RNF217: variants seen among roughly 807,000 people sequenced by gnomAD.
RNF217 encodes the protein E3 ubiquitin-protein ligase RNF217.
Under a neutral mutation model 57.8 loss-of-function variants are expected in RNF217, and 31 were observed. The ratio of observed to expected loss-of-function variants is 0.54; its 90% CI spans 0.40 to 0.72. The LOEUF is 0.72. RNF217 is among the 30% of genes least tolerant of loss of function. RNF217 has a pLI of 0.00. For synonymous variants in RNF217, 313 were observed against 294.0 expected, an observed-to-expected ratio of 1.06 and a Z score of -0.66; for missense variants, 696 against 708.3, an observed-to-expected ratio of 0.98 and a Z score of 0.20.
At position 125,013,345 on chromosome 6, in the gene RNF217, T is replaced by TTGTGTGTG. The variant is rs1388363342; in HGVS notation, c.883-31861_883-31860insGTGTGTGT. ...AAAGAAAGGTAGGTGCTTGCATGTTTTGTGTATGTGTGTGTGTGTGTGTGT... is the reference window on the plus strand; with the variant it reads ...AAAGAAAGGTAGGTGCTTGCATGTTTTGTGTGTGTGTGTATGTGTGTGTGTGTGTGTGT... On this transcript the variant is annotated intron_variant, in intron 1 of 5. Transcript: ENST00000521654. Among the ~76,000 whole-genome samples, 20 of 112,294 alleles carry TTGTGTGTG rather than the reference T, an allele frequency of 1.8e-4. 1 individual carries two copies. Among genetic ancestry groups the TTGTGTGTG allele is most frequent in the African/African-American group, 6.0e-4 (19 of 31,720 alleles). The allele number at this position is 112,294 out of a possible 152,430, so 73.7% of individuals were successfully genotyped here.
At position 124,962,960 on chromosome 6, in the gene RNF217, T is replaced by G. The variant is rs1412915011; in HGVS notation, c.416T>G (p.Val139Gly). ...PGEELEPRTR[V>G]GAADGLVLDV... ...GAAGAGCTGGAGCCCAGGACCCGCG[T>G]GGGGGCCGCCGACGGACTGGTCCTG... The change falls in exon 1 of 6, where the codon GTG becomes GGG. Residue 139 changes from valine (V) to glycine (G), a missense_variant. This residue lies in a region of RNF217 where 465 missense variants were observed against 386.8 expected (regional missense o/e 1.20). Transcript: ENST00000521654. The surrounding 1 kb of genome is among the most constrained non-coding windows in gnomAD (Gnocchi z 4.6). 1.9e-6 allele frequency: 3 copies of G among 1,597,114 alleles called. No individual in the cohort carries two copies. The highest frequency in any genetic ancestry group is 2.5e-6 in the Non-Finnish European group (3 of 1,179,420).
intron 1 of RNF217, among the ~76,000 whole-genome samples, chr6:125,007,223 C>CAAA (rs1785219756): frequency 6.8e-6 from 1 of 147,932 alleles, no homozygotes; most frequent in Non-Finnish European, 1.5e-5. Flanking sequence ...CTAATGGTTT[C>CAAA]TATTCTTCTT....
chr6:125,005,430 C>T (rs1373957903), intron 1 of RNF217, among the ~76,000 whole-genome samples: 1 of 152,126 alleles, frequency 6.6e-6, no homozygotes, highest in Non-Finnish European at 1.5e-5. Context: ...ACTCTTTAAT[C>T]ATGATGAGAA....
intron 1 of RNF217, chr6:125,006,108 TC>T (rs1785168543): frequency 6.6e-6 from 1 of 152,214 alleles, no homozygotes; most frequent in African/African-American, 2.4e-5. Flanking sequence ...TGAGGATACT[TC>T]CCAGGAACTC....
At chr6:125,073,297 C>G (rs747314394) in intron 3 of RNF217, among the ~76,000 whole-genome samples, 22 of 152,128 alleles carry the variant, frequency 1.4e-4, no homozygotes, top group Non-Finnish European at 2.9e-4. Context: ...GCTACAGTAA[C>G]CATTGATAAA....
chr6:125,002,280 G>A (rs917241936), intron 1 of RNF217, among the ~76,000 whole-genome samples: 5 of 152,068 alleles, frequency 3.3e-5, no homozygotes, highest in African/African-American at 4.8e-5. Flanking sequence ...TCCAGGCACC[G>A]GAACAATGTG....
intron 2 of RNF217, among the ~76,000 whole-genome samples, chr6:125,051,552 G>A (rs1326751615): frequency 1.3e-5 from 2 of 151,966 alleles, no homozygotes; most frequent in Non-Finnish European, 2.9e-5. Flanking sequence ...CCTACCAGTT[G>A]GCCATGCAGA....
chr6:125,083,532 T>C lies in RNF217; in HGVS notation c.*595T>C, dbSNP rs1269778820. Reference sequence around the variant, plus strand: ...AGAAGAATATTAAGTTACTGAAGTGTATATGCGTAGGGGCGTGAATGTGTG... The same window carrying C: ...AGAAGAATATTAAGTTACTGAAGTGCATATGCGTAGGGGCGTGAATGTGTG... On this transcript the variant is annotated 3_prime_UTR_variant, in exon 6 of 6. Coordinates refer to ENST00000521654, the MANE Select transcript of RNF217 (RefSeq NM_001286398.3). 1 of 152,122 alleles carries C rather than the reference T, an allele frequency of 6.6e-6. No homozygotes were observed. The highest frequency in any genetic ancestry group is 2.4e-5 in the African/African-American group (1 of 41,438). The allele number at this position is 152,122 out of a possible 1,614,324, so 9.4% of individuals were successfully genotyped here.
At chr6:125,030,569 C>T (rs535686316) in intron 1 of RNF217, among the ~76,000 whole-genome samples, 52 of 152,298 alleles carry the variant, frequency 3.4e-4, no homozygotes, top group African/African-American at 1.2e-3. Flanking sequence ...AGTCCAAAAT[C>T]CAGTAGGGCA....
intron 1 of RNF217, among the ~76,000 whole-genome samples, chr6:124,985,125 A>G (rs1176903963): frequency 6.6e-6 from 1 of 152,364 alleles, no homozygotes; most frequent in Non-Finnish European, 1.5e-5. Context: ...AGTGTCTCAC[A>G]CTTAAAAGTG....
intron 3 of RNF217, among the ~76,000 whole-genome samples, chr6:125,062,471 A>G (rs1344568616): frequency 6.6e-6 from 1 of 152,192 alleles, no homozygotes. Flanking sequence ...AAACATATCT[A>G]GAATTAATTT....
chr6:124,975,450 A>T (rs1467692915), intron 1 of RNF217, among the ~76,000 whole-genome samples: 1 of 152,216 alleles, frequency 6.6e-6, no homozygotes, highest in East Asian at 1.9e-4. Flanking sequence ...TCATTCATTG[A>T]GACAGTGTCT....
intron 1 of RNF217, among the ~76,000 whole-genome samples, chr6:124,964,505 T>C (rs1431754693): frequency 1.3e-5 from 2 of 152,190 alleles, no homozygotes; most frequent in Non-Finnish European, 2.9e-5. Flanking sequence ...TTAATAACAT[T>C]GGCTGGGACA....
chr6:124,991,591 T>C (rs1784563217), intron 1 of RNF217, among the ~76,000 whole-genome samples: 1 of 152,230 alleles, frequency 6.6e-6, no homozygotes, highest in African/African-American at 2.4e-5. Flanking sequence ...AGAATTTTGT[T>C]TGGTTTTGTT....
At chr6:124,974,605 A>G (rs1783891563) in intron 1 of RNF217, among the ~76,000 whole-genome samples, 3 of 152,240 alleles carry the variant, frequency 2.0e-5, no homozygotes, top group Admixed American at 6.5e-5. Flanking sequence ...ATTAGAGTAT[A>G]TCAAAATTAC....
intron 3 of RNF217, among the ~76,000 whole-genome samples, chr6:125,069,656 A>T (rs1209436314): frequency 2.0e-5 from 3 of 152,186 alleles, no homozygotes; most frequent in African/African-American, 7.2e-5. Context: ...TTTTGGGTAT[A>T]TCCCCAGTAA....
chr6:124,971,935 C>T (rs1269993048), intron 1 of RNF217, among the ~76,000 whole-genome samples: 2 of 152,176 alleles, frequency 1.3e-5, no homozygotes, highest in Non-Finnish European at 2.9e-5. Flanking sequence ...CTTACCCACT[C>T]TCATGGTTTC....
intron 1 of RNF217, among the ~76,000 whole-genome samples, chr6:125,039,059 T>C (rs1281485107): frequency 2.0e-5 from 3 of 151,978 alleles, no homozygotes; most frequent in African/African-American, 7.2e-5. Flanking sequence ...GTCCATGTGT[T>C]CTTGTTGTTC....
At position 125,087,571 on chromosome 6, in the gene RNF217, A is replaced by G. The variant is rs1000675642; in HGVS notation, c.*4634A>G. The G allele has an allele frequency of 1.3e-5, 2 of 152,204 alleles. No homozygotes were observed. Among genetic ancestry groups the G allele is most frequent in the African/African-American group, 4.8e-5 (2 of 41,464 alleles). The allele number at this position is 152,204 out of a possible 1,614,324, so 9.4% of individuals were successfully genotyped here. A position where few individuals can be genotyped will look rare whatever the true frequency, so the allele number is the denominator to read the frequency against. ...ATACATTTCAATGGAGACAGTATAC[A>G]AAGTTAAAGCAACTGATACATATAT... On this transcript the variant is annotated 3_prime_UTR_variant, in exon 6 of 6. Transcript: ENST00000521654.
Sources: allele counts gnomAD v4.1 joint callset (sites outside exome capture counted in the v4.1 genomes callset), GRCh38; gene constraint gnomAD v4.1.1; regional missense constraint gnomAD v4.1.1; non-coding constraint Gnocchi (gnomAD v3.1); transcripts MANE v1.5; gene names NCBI Gene and HGNC (gene_info 2026-07-23, HGNC 2026-07-21).